Variants in CACNA2D3 observed in about 807,000 individuals in gnomAD.
CACNA2D3 encodes voltage-dependent calcium channel subunit alpha-2/delta-3.
CACNA2D3 carries 60 observed loss-of-function variants against 160.6 expected under a neutral mutation model. The ratio of observed to expected loss-of-function variants is 0.37; its 90% CI spans 0.30 to 0.46. The LOEUF (loss-of-function observed/expected upper bound fraction) is 0.46. Among genes scored for constraint, CACNA2D3 ranks in the 20% least tolerant of loss-of-function variants. The pLI is 1.00. For synonymous variants in CACNA2D3, 558 were observed against 492.9 expected (o/e 1.13, Z -1.75); for missense variants, 1,205 against 1,365.0 (o/e 0.88, Z 1.85).
At chr3:54,386,664 C>T in intron 3 of CACNA2D3, 51 bp from the exon 4 acceptor site, 1 of 1,503,848 alleles carries the variant, frequency 6.6e-7, no homozygotes, top group Non-Finnish European at 8.9e-7. Context: ...GGGGTTCAGG[C>T]CACAATTCTG....
chr3:54,362,760 G>T (rs571079888), intron 3 of CACNA2D3, among the ~76,000 whole-genome samples: 5 of 152,346 alleles, frequency 3.3e-5, no homozygotes, highest in African/African-American at 1.2e-4. Context: ...GAACAGCGGT[G>T]TGTGTCAAGC....
chr3:54,539,453 G>A (rs1046854101), intron 5 of CACNA2D3, among the ~76,000 whole-genome samples: 5 of 152,088 alleles, frequency 3.3e-5, no homozygotes, highest in African/African-American at 9.7e-5. Flanking sequence ...ATTTTGAAGG[G>A]GTGTGTGTGT....
chr3:54,255,871 A>G (rs1368977466), intron 2 of CACNA2D3, among the ~76,000 whole-genome samples: 1 of 152,172 alleles, frequency 6.6e-6, no homozygotes, highest in Non-Finnish European at 1.5e-5. Flanking sequence ...TCCAGAATTA[A>G]TCATTTTACC....
chr3:54,285,803 A>T (rs1343215939), intron 2 of CACNA2D3, among the ~76,000 whole-genome samples: 4 of 152,232 alleles, frequency 2.6e-5, no homozygotes, highest in Non-Finnish European at 5.9e-5. Context: ...AGCGCTGCTG[A>T]TACCCTGGCA....
chr3:54,910,091 T>C (rs1413403398), intron 27 of CACNA2D3, among the ~76,000 whole-genome samples: 4 of 152,162 alleles, frequency 2.6e-5, no homozygotes, highest in Non-Finnish European at 5.9e-5. Flanking sequence ...TGAGAAGATG[T>C]GCAGGATGTT....
chr3:54,271,427 C>G (rs967592339), intron 2 of CACNA2D3, among the ~76,000 whole-genome samples: 11 of 152,022 alleles, frequency 7.2e-5, no homozygotes, highest in Non-Finnish European at 1.5e-4. Context: ...GTGTGTCATC[C>G]CAACACTTGA....
chr3:54,157,067 G>T (rs747490646), intron 2 of CACNA2D3, among the ~76,000 whole-genome samples: 1 of 152,196 alleles, frequency 6.6e-6, no homozygotes, highest in Non-Finnish European at 1.5e-5. Context: ...CTGGAGGCTG[G>T]AAGTCCAAGG....
chr3:54,619,494 A>G (rs1270902934), intron 9 of CACNA2D3, among the ~76,000 whole-genome samples: 1 of 152,216 alleles, frequency 6.6e-6, no homozygotes, highest in African/African-American at 2.4e-5. Context: ...CAGGAGATCT[A>G]TCTTTTCTCT....
chr3:54,904,709 G>A (rs935212202), intron 27 of CACNA2D3, among the ~76,000 whole-genome samples: 1 of 152,064 alleles, frequency 6.6e-6, no homozygotes, highest in Non-Finnish European at 1.5e-5. Flanking sequence ...ATATGGGAGC[G>A]ATACTGGATA....
intron 14 of CACNA2D3, among the ~76,000 whole-genome samples, chr3:54,831,690 T>G (rs1231153208): frequency 3.9e-5 from 6 of 152,218 alleles, no homozygotes; most frequent in Admixed American, 1.3e-4. Context: ...ATCTTGGGAA[T>G]GTTGGTACCC....
rs76644590 is a variant in CACNA2D3, at chr3:54,381,285, C to T, written c.322-5430C>T. 2.2e-3 allele frequency among the ~76,000 whole-genome samples: 334 copies of T among 152,230 alleles called. 2 individuals carry two copies. The highest frequency in any genetic ancestry group is 7.2e-3 in the African/African-American group (299 of 41,538). Reference sequence around the variant, plus strand: ...TTTGAGGATTTTCATCCATAATTGTCCCTACCGCCCATTTTAGGGATTTTT... The same window carrying T: ...TTTGAGGATTTTCATCCATAATTGTTCCTACCGCCCATTTTAGGGATTTTT... On this transcript the variant is annotated intron_variant, in intron 3 of 37. Transcript: ENST00000474759.
At chr3:54,750,724 T>C (rs1701840003) in intron 11 of CACNA2D3, among the ~76,000 whole-genome samples, 1 of 151,442 alleles carries the variant, frequency 6.6e-6, no homozygotes, top group South Asian at 2.1e-4. Context: ...TGCAGCTATA[T>C]GAAGGAGGGT....
intron 3 of CACNA2D3, among the ~76,000 whole-genome samples, chr3:54,352,797 G>T (rs1157796126): frequency 6.6e-6 from 1 of 152,240 alleles, no homozygotes; most frequent in Non-Finnish European, 1.5e-5. Flanking sequence ...TTGGGATACA[G>T]TTGTGGTCAT....
chr3:54,337,713 C>G (rs543497175), intron 3 of CACNA2D3, among the ~76,000 whole-genome samples: 1 of 152,152 alleles, frequency 6.6e-6, no homozygotes, highest in East Asian at 1.9e-4. Context: ...TCCTCCTCCC[C>G]GTTAATAAGC....
At chr3:54,823,173 T>C (rs1703678919) in intron 14 of CACNA2D3, among the ~76,000 whole-genome samples, 1 of 152,028 alleles carries the variant, frequency 6.6e-6, no homozygotes, top group African/African-American at 2.4e-5. Flanking sequence ...GCATTTCTTA[T>C]TGAAAGGAAA....
At chr3:54,895,479 G>C (rs1283508111) in intron 25 of CACNA2D3, among the ~76,000 whole-genome samples, 1 of 152,202 alleles carries the variant, frequency 6.6e-6, no homozygotes, top group Non-Finnish European at 1.5e-5. Flanking sequence ...ATCTTTGGTA[G>C]AGGTGAAGGG....
At chr3:54,825,021 C>G (rs1703720846) in intron 14 of CACNA2D3, among the ~76,000 whole-genome samples, 1 of 152,144 alleles carries the variant, frequency 6.6e-6, no homozygotes, top group Admixed American at 6.5e-5. Flanking sequence ...TGTCTTCTTT[C>G]AAAAATTCTC....
intron 4 of CACNA2D3, among the ~76,000 whole-genome samples, chr3:54,488,227 A>G (rs964741962): frequency 6.6e-6 from 1 of 152,168 alleles, no homozygotes. Context: ...TTGCTTAAGC[A>G]AGGTAGTTTT....
At chr3:54,820,104 C>T (rs1703554513) in intron 14 of CACNA2D3, among the ~76,000 whole-genome samples, 2 of 152,182 alleles carry the variant, frequency 1.3e-5, no homozygotes, top group South Asian at 2.1e-4. Context: ...CCAGCCACTA[C>T]AGCTTTGGCC....
Sources: allele counts gnomAD v4.1 joint callset (sites outside exome capture counted in the v4.1 genomes callset), GRCh38; gene constraint gnomAD v4.1.1; transcripts MANE v1.5; gene names NCBI Gene and HGNC (gene_info 2026-07-23, HGNC 2026-07-21).